Variants in RBFOX1 observed in about 807,000 individuals in gnomAD.
RBFOX1 encodes RNA binding fox-1 homolog 1.
RBFOX1 carries 8 observed loss-of-function variants against 57.7 expected under a neutral mutation model. The ratio of observed to expected loss-of-function variants is 0.14; its 90% confidence interval spans 0.08 to 0.25. The LOEUF is 0.25. RBFOX1 is among the 10% of genes least tolerant of loss of function. The pLI is 1.00. For synonymous variants in RBFOX1, 326 were observed against 222.4 expected (o/e 1.47, Z -4.15); for missense variants, 611 against 548.5 (o/e 1.11, Z -1.14).
intron 1 of RBFOX1, among the ~76,000 whole-genome samples, chr16:6,167,798 C>T (rs1289352601): frequency 6.6e-6 from 1 of 152,052 alleles, no homozygotes; most frequent in Non-Finnish European, 1.5e-5. Context: ...GAGTGGAGGC[C>T]AGAAGATGTA....
chr16:5,648,197 A>G (rs2049111543), intron 3 of RBFOX1, among the ~76,000 whole-genome samples: 1 of 152,128 alleles, frequency 6.6e-6, no homozygotes, highest in South Asian at 2.1e-4. Context: ...TAACCACGAC[A>G]ATACATACGA....
chr16:7,480,549 G>A (rs920595093), intron 4 of RBFOX1, among the ~76,000 whole-genome samples: 5 of 152,000 alleles, frequency 3.3e-5, no homozygotes, highest in Non-Finnish European at 7.4e-5. Context: ...TTTACTTTGG[G>A]AAAGCTGCAA....
intron 12 of RBFOX1, among the ~76,000 whole-genome samples, chr16:7,659,597 AAG>A (rs2067189172): frequency 6.6e-6 from 1 of 152,188 alleles, no homozygotes; most frequent in African/African-American, 2.4e-5. Flanking sequence ...AAAAAGAAAA[AAG>A]AAAAAAAAGA....
intron 3 of RBFOX1, among the ~76,000 whole-genome samples, chr16:6,747,630 T>G (rs540120818): frequency 6.6e-6 from 1 of 152,276 alleles, no homozygotes; most frequent in South Asian, 2.1e-4. Context: ...TATTGTCTCT[T>G]GTATAAAAAG....
At chr16:6,624,849 C>G (rs188986233) in intron 2 of RBFOX1, among the ~76,000 whole-genome samples, 1 of 151,960 alleles carries the variant, frequency 6.6e-6, no homozygotes, top group African/African-American at 2.4e-5. Context: ...CATGTAAGAC[C>G]AGCCCTTTGT....
At position 7,225,484 on chromosome 16, in the gene RBFOX1, C is replaced by G. The variant is rs551940420; in HGVS notation, c.27+173386C>G. Among the ~76,000 whole-genome samples, 8 of 152,036 alleles carry G rather than the reference C, an allele frequency of 5.3e-5. No individual in the cohort carries two copies. In the East Asian group the frequency reaches 1.2e-3, roughly 22 times the overall value. ...CATGATTGTGAGGCCTCCCCAGCCA[C>G]GTATAACTGTAAGTCCATTAAATCT... On this transcript the variant is annotated intron_variant, in intron 4 of 15. Coordinates refer to ENST00000550418, the MANE Select transcript of RBFOX1 (RefSeq NM_018723.4).
At chr16:6,167,853 C>T (rs1221510243) in intron 1 of RBFOX1, among the ~76,000 whole-genome samples, 2 of 152,134 alleles carry the variant, frequency 1.3e-5, no homozygotes, top group Non-Finnish European at 2.9e-5. Flanking sequence ...GCTCCAAGCA[C>T]TGCTCCGGGA....
intron 3 of RBFOX1, among the ~76,000 whole-genome samples, chr16:6,796,273 A>C (rs1478548186): frequency 6.6e-6 from 1 of 152,048 alleles, no homozygotes; most frequent in Non-Finnish European, 1.5e-5. Flanking sequence ...AATTCAGTCA[A>C]CTCTCACTGG....
chr16:6,501,475 A>G (rs932059049), intron 2 of RBFOX1, among the ~76,000 whole-genome samples: 2 of 151,848 alleles, frequency 1.3e-5, no homozygotes, highest in South Asian at 2.1e-4. Flanking sequence ...TGAACTCACC[A>G]TTTTTATGGC....
intron 1 of RBFOX1, among the ~76,000 whole-genome samples, chr16:6,190,094 T>C (rs2097132506): frequency 1.3e-5 from 2 of 152,224 alleles, no homozygotes; most frequent in African/African-American, 4.8e-5. Flanking sequence ...TATTTTTTGC[T>C]CAAAGTGGAA....
chr16:7,467,623 G>A (rs1415948637), intron 4 of RBFOX1, among the ~76,000 whole-genome samples: 3 of 152,156 alleles, frequency 2.0e-5, no homozygotes, highest in Non-Finnish European at 4.4e-5. Context: ...TAAAATTGTG[G>A]TATGATAATA....
At chr16:7,101,109 G>T (rs2062615033) in intron 4 of RBFOX1, among the ~76,000 whole-genome samples, 1 of 152,144 alleles carries the variant, frequency 6.6e-6, no homozygotes, top group Admixed American at 6.5e-5. Flanking sequence ...TCATGCTATG[G>T]TACTTTTAAG....
At chr16:6,996,881 TCA>T (rs1385505683) in intron 3 of RBFOX1, among the ~76,000 whole-genome samples, 5 of 152,150 alleles carry the variant, frequency 3.3e-5, no homozygotes, top group Admixed American at 2.0e-4. Context: ...ACATCTGTAG[TCA>T]CAGAGTTAGA....
At chr16:6,280,274 G>T (rs972977123) in intron 1 of RBFOX1, among the ~76,000 whole-genome samples, 1 of 152,124 alleles carries the variant, frequency 6.6e-6, no homozygotes, top group African/African-American at 2.4e-5. Context: ...AAGGACAGCC[G>T]CCTCCCTCCG....
chr16:6,261,775 C>T (rs1340692101), intron 1 of RBFOX1, among the ~76,000 whole-genome samples: 1 of 151,876 alleles, frequency 6.6e-6, no homozygotes, highest in Non-Finnish European at 1.5e-5. Context: ...GCAGGTGGAT[C>T]ACTTGAGATC....
intron 3 of RBFOX1, among the ~76,000 whole-genome samples, chr16:5,759,313 A>T (rs1226681227): frequency 6.6e-6 from 1 of 152,156 alleles, no homozygotes; most frequent in Non-Finnish European, 1.5e-5. Flanking sequence ...CATAGTGGGA[A>T]TTGGTGAACT....
intron 4 of RBFOX1, among the ~76,000 whole-genome samples, chr16:5,883,696 G>A (rs1184301982): frequency 6.6e-6 from 1 of 152,004 alleles, no homozygotes; most frequent in Non-Finnish European, 1.5e-5. Context: ...CTTGTTCTGA[G>A]TAGAACACAA....
intron 2 of RBFOX1, among the ~76,000 whole-genome samples, chr16:6,498,412 C>A (rs2095832185): frequency 6.6e-6 from 1 of 152,062 alleles, no homozygotes; most frequent in Non-Finnish European, 1.5e-5. Flanking sequence ...AATAATCAGG[C>A]TATCTGAAAG....
chr16:5,783,898 C>T (rs1005455203), intron 3 of RBFOX1, among the ~76,000 whole-genome samples: 54 of 152,110 alleles, frequency 3.6e-4, no homozygotes, highest in African/African-American at 1.2e-3. Context: ...TGTGTGCATC[C>T]CCTCCACAAA....
Sources: gnomAD v4.1 joint callset for allele counts (sites outside exome capture counted in the v4.1 genomes callset) on GRCh38, gnomAD v4.1.1 for gene constraint, MANE v1.5 for transcripts, NCBI Gene and HGNC (gene_info 2026-07-23, HGNC 2026-07-21) for gene names.